ABCB10: variants seen among roughly 807,000 people sequenced by gnomAD.
ABCB10 encodes the protein ATP-binding cassette sub-family B member 10, mitochondrial.
ABCB10 carries 54 observed loss-of-function variants against 65.4 expected under a neutral mutation model. The ratio of observed to expected loss-of-function variants is 0.83; its 90% CI spans 0.66 to 1.04. The LOEUF is 1.04. Ranked by LOEUF, ABCB10 falls within the 50% of genes least tolerant of loss-of-function variation. The probability of loss-of-function intolerance (pLI) is 0.00; values close to 1 mark genes in which losing one functional copy is unlikely to be tolerated. For missense variants in ABCB10, 846 were observed against 976.6 expected, an observed-to-expected ratio of 0.87 and a Z score of 1.78; for synonymous variants, 418 against 406.5, an observed-to-expected ratio of 1.03 and a Z score of -0.34.
chr1:229,538,339 A>G (rs915816524), intron 6 of ABCB10, among the ~76,000 whole-genome samples: 4 of 152,112 alleles, frequency 2.6e-5, no homozygotes, highest in African/African-American at 9.7e-5. Context: ...CATTAAGATG[A>G]GGGGAGGCCA....
intron 1 of ABCB10, among the ~76,000 whole-genome samples, chr1:229,552,809 AATCTCG>A (rs1330100963): frequency 6.6e-6 from 1 of 152,186 alleles, no homozygotes; most frequent in Non-Finnish European, 1.5e-5. Context: ...TTCAGAGAGG[AATCTCG>A]AACACAGAGA....
rs1202227921 is a variant in ABCB10, at chr1:229,516,778, C to T, written c.*1401G>A. The T allele has an allele frequency of 6.6e-6, 1 of 152,118 alleles. No homozygotes were observed. The highest frequency in any genetic ancestry group is 1.5e-5 in the Non-Finnish European group (1 of 68,012). The allele number at this position is 152,118 out of a possible 1,614,324, so 9.4% of individuals were successfully genotyped here. The stretch of plus-strand genomic sequence containing the variant: ...TGAAAATCACACTTTATAAAGAACA[C>T]AAGTAGAGCTTGTTAAAAATGATTG... On this transcript the variant is annotated 3_prime_UTR_variant, in exon 13 of 13. Coordinates refer to ENST00000344517, the MANE Select transcript of ABCB10 (RefSeq NM_012089.3).
At position 229,542,463 on chromosome 1, in the gene ABCB10, G is replaced by GTGTC; in HGVS notation, c.922-96_922-93dup. On this transcript the variant is annotated intron_variant, in intron 3 of 12. Transcript: ENST00000344517. ...ACGAAAGGGGAGTGTGTGTGTGGGT[G>GTGTC]TGTCTGTGTGTGTGTGTGTTTAAAT... 2.1e-6 allele frequency: 3 copies of GTGTC among 1,420,474 alleles called. No individual in the cohort carries two copies. The South Asian group carries it at 4.1e-5, about 19-fold the overall frequency. 88.0% of individuals were successfully genotyped at this position (1,420,474 alleles called of 1,614,324 possible).
At chr1:229,543,222 C>T (rs1424399452) in intron 3 of ABCB10, among the ~76,000 whole-genome samples, 3 of 151,774 alleles carry the variant, frequency 2.0e-5, no homozygotes, top group Non-Finnish European at 1.5e-5. Flanking sequence ...ATTAGAGCTG[C>T]TTTTATGGCT....
At chr1:229,539,363 T>G in intron 6 of ABCB10, 93 bp downstream of exon 6, 1 of 1,513,666 alleles carries the variant, frequency 6.6e-7, no homozygotes. Flanking sequence ...TCAGTGGAAG[T>G]TAATTGAAGT....
intron 1 of ABCB10, among the ~76,000 whole-genome samples, chr1:229,549,665 G>C (rs146064044): frequency 6.6e-6 from 1 of 152,180 alleles, no homozygotes; most frequent in African/African-American, 2.4e-5. Flanking sequence ...ATCTGAATCA[G>C]AGAAGATGAC....
intron 10 of ABCB10, among the ~76,000 whole-genome samples, chr1:229,522,358 C>A (rs1049464089): frequency 2.0e-5 from 3 of 151,760 alleles, no homozygotes; most frequent in African/African-American, 7.3e-5. Context: ...AGGCCCATAC[C>A]ACCAAACCTG....
chr1:229,549,190 T>A, intron 2 of ABCB10, 44 bp downstream of exon 2: 1 of 1,607,924 alleles, frequency 6.2e-7, no homozygotes, highest in Non-Finnish European at 8.5e-7. Flanking sequence ...GGACTCTACA[T>A]CTTCTTCAGG....
intron 4 of ABCB10, among the ~76,000 whole-genome samples, chr1:229,541,119 G>A (rs911581923): frequency 6.6e-6 from 1 of 152,150 alleles, no homozygotes; most frequent in African/African-American, 2.4e-5. Flanking sequence ...ATGTTAATTC[G>A]AAAAGACAGG....
intron 2 of ABCB10, 60 bp downstream of exon 2, chr1:229,549,174 C>A: frequency 1.3e-6 from 2 of 1,586,694 alleles, no homozygotes; most frequent in Non-Finnish European, 1.7e-6. Flanking sequence ...CCCGAACAAA[C>A]CCACAGGACT....
chr1:229,547,468 G>A (rs1662996591), intron 3 of ABCB10, 31 bp downstream of exon 3: 1 of 1,610,018 alleles, frequency 6.2e-7, no homozygotes, highest in Non-Finnish European at 8.5e-7. Context: ...GCCCTGGCAG[G>A]AAGGTACCAA....
chr1:229,537,715 G>T (rs1405384142), intron 6 of ABCB10, among the ~76,000 whole-genome samples: 1 of 152,286 alleles, frequency 6.6e-6, no homozygotes, highest in African/African-American at 2.4e-5. Context: ...GCTTCAACCC[G>T]GGAGGCGGGG....
chr1:229,553,876 C>T (rs1224771437), intron 1 of ABCB10, among the ~76,000 whole-genome samples: 1 of 152,100 alleles, frequency 6.6e-6, no homozygotes, highest in Non-Finnish European at 1.5e-5. Flanking sequence ...GAAACAATCC[C>T]TCCCTCACAG....
chr1:229,548,935 A>C (rs1207019182), intron 2 of ABCB10, among the ~76,000 whole-genome samples: 1 of 152,192 alleles, frequency 6.6e-6, no homozygotes, highest in Non-Finnish European at 1.5e-5. Flanking sequence ...TGCTGGGATT[A>C]CAGGCATGAG....
rs556156338 is a variant in ABCB10 at position 229,530,309 on chromosome 1, T to C, written c.1535A>G (p.Asp512Gly). 7.0e-5 allele frequency: 113 copies of C among 1,614,116 alleles called. 1 individual carries two copies. In the South Asian group the frequency reaches 1.2e-3, roughly 17 times the overall value. Residue 512 changes from aspartate (D) to glycine (G), a missense_variant, in exon 8 of 13, where the codon GAT becomes GGT. Coordinates refer to ENST00000344517, the MANE Select transcript of ABCB10 (RefSeq NM_012089.3). ...TCCTGACGGAATGGAAAGGCTGAAA[T>C]CCTGAAATATGGGCACCTCTGGGCG... ...PARPEVPIFQ[D>G]FSLSIPSGSV...
chr1:229,553,403 C>A (rs1457272971), intron 1 of ABCB10, among the ~76,000 whole-genome samples: 1 of 152,032 alleles, frequency 6.6e-6, no homozygotes, highest in Non-Finnish European at 1.5e-5. Flanking sequence ...AGCCACCGCA[C>A]CCAGCCAGAT....
At chr1:229,524,565 T>C (rs1662388520) in intron 10 of ABCB10, among the ~76,000 whole-genome samples, 1 of 152,140 alleles carries the variant, frequency 6.6e-6, no homozygotes, top group African/African-American at 2.4e-5. Flanking sequence ...CATTGGTTCA[T>C]TTCTGCACTT....
At chr1:229,554,140 G>A (rs973763249) in intron 1 of ABCB10, among the ~76,000 whole-genome samples, 4 of 152,156 alleles carry the variant, frequency 2.6e-5, no homozygotes, top group Non-Finnish European at 5.9e-5. Context: ...ACATTTCCAC[G>A]GATGCAGGTG....
chr1:229,548,587 A>G (rs1663023741), intron 2 of ABCB10, among the ~76,000 whole-genome samples: 8 of 152,168 alleles, frequency 5.3e-5, no homozygotes, highest in Admixed American at 5.2e-4. Flanking sequence ...AGCATGGGGC[A>G]TGTAAATGGG....
Sources: gnomAD v4.1 joint callset for allele counts (sites outside exome capture counted in the v4.1 genomes callset) on GRCh38, gnomAD v4.1.1 for gene constraint, MANE v1.5 for transcripts, NCBI Gene and HGNC (gene_info 2026-07-23, HGNC 2026-07-21) for gene names.